Variants in CSMD1 observed in about 807,000 individuals in gnomAD.
The protein encoded by CSMD1 is CUB and sushi domain-containing protein 1.
A neutral mutation model predicts 417.5 loss-of-function variants in CSMD1; 213 were observed. The ratio of observed to expected loss-of-function variants is 0.51; its 90% CI spans 0.46 to 0.57. The LOEUF (loss-of-function observed/expected upper bound fraction) is 0.57. Among genes scored for constraint, CSMD1 ranks in the 20% least tolerant of loss-of-function variants. CSMD1 has a pLI of 0.00. For missense variants in CSMD1, 6,923 were observed against 4,529.7 expected (o/e 1.53, Z -15.17); for synonymous variants, 2,862 against 1,736.8 (o/e 1.65, Z -16.11).
At position 2,955,772 on chromosome 8, in the gene CSMD1, AAAC is replaced by A. The variant is rs752451114; in HGVS notation, c.9815-7_9815-5del. 3.1e-6 allele frequency: 5 copies of A among 1,612,636 alleles called. No individual in the cohort carries two copies. The highest frequency in any genetic ancestry group is 4.2e-6 in the Non-Finnish European group (5 of 1,179,236). On this transcript the variant is annotated splice_polypyrimidine_tract_variant and splice_region_variant and intron_variant, in intron 63 of 69. Transcript: ENST00000635120. ...TCTGGCTGTCTGCAGGCATGAGCTG[AAAC>A]AACATTAGGAAACATTGAGACTTTG...
intron 5 of CSMD1, among the ~76,000 whole-genome samples, chr8:3,946,471 T>G (rs941594004): frequency 1.2e-4 from 19 of 152,184 alleles, no homozygotes; most frequent in African/African-American, 4.6e-4. Context: ...ATGTAAGTCC[T>G]CCCACTTTGT....
chr8:3,364,157 T>C (rs1164464598), intron 20 of CSMD1, among the ~76,000 whole-genome samples: 1 of 150,018 alleles, frequency 6.7e-6, no homozygotes. Flanking sequence ...ATTTGTATAC[T>C]TAAAAAAAAA....
At chr8:3,409,630 C>A in intron 12 of CSMD1, 25 bp from the exon 13 acceptor site, 1 of 1,521,394 alleles carries the variant, frequency 6.6e-7, no homozygotes, top group Non-Finnish European at 8.9e-7. Context: ...ACAAATGAAC[C>A]CTTAAAAAAA....
At chr8:3,901,876 T>A (rs909054290) in intron 5 of CSMD1, among the ~76,000 whole-genome samples, 1 of 152,244 alleles carries the variant, frequency 6.6e-6, no homozygotes, top group African/African-American at 2.4e-5. Flanking sequence ...TCTTCTCTAG[T>A]GCTTTTCCCA....
At chr8:3,590,397 T>C (rs1800796049) in intron 8 of CSMD1, among the ~76,000 whole-genome samples, 1 of 152,280 alleles carries the variant, frequency 6.6e-6, no homozygotes, top group South Asian at 2.1e-4. Context: ...ATGTGCACTC[T>C]CCAGGACCTG....
intron 3 of CSMD1, among the ~76,000 whole-genome samples, chr8:4,375,008 G>T (rs1281357935): frequency 6.6e-6 from 1 of 150,960 alleles, no homozygotes; most frequent in Non-Finnish European, 1.5e-5. Flanking sequence ...GCAATAGTGG[G>T]GACAGGGCAG....
chr8:4,547,899 C>G (rs1479470729), intron 2 of CSMD1, among the ~76,000 whole-genome samples: 2 of 152,116 alleles, frequency 1.3e-5, no homozygotes, highest in East Asian at 1.9e-4. Flanking sequence ...AATAATTCAG[C>G]CATGACAAAA....
At chr8:3,223,363 A>G (rs1798320626) in intron 28 of CSMD1, among the ~76,000 whole-genome samples, 1 of 152,190 alleles carries the variant, frequency 6.6e-6, no homozygotes, top group African/African-American at 2.4e-5. Context: ...GTGCTGTGGA[A>G]AGGAATTCAC....
At chr8:3,653,339 A>C (rs1797952237) in intron 7 of CSMD1, among the ~76,000 whole-genome samples, 1 of 151,990 alleles carries the variant, frequency 6.6e-6, no homozygotes, top group African/African-American at 2.4e-5. Flanking sequence ...TTTGAGATTC[A>C]CTTTTGTTGT....
At chr8:4,801,498 T>G (rs79900072) in intron 1 of CSMD1, among the ~76,000 whole-genome samples, 1 of 152,062 alleles carries the variant, frequency 6.6e-6, no homozygotes, top group African/African-American at 2.4e-5. Context: ...GGGGCGCAAG[T>G]ACTTAATGTC....
At chr8:3,738,757 G>A (rs577414414) in intron 6 of CSMD1, among the ~76,000 whole-genome samples, 11 of 152,284 alleles carry the variant, frequency 7.2e-5, no homozygotes, top group African/African-American at 1.4e-4. Context: ...TCAGAGTAAC[G>A]TAAAATAAAA....
At chr8:3,638,984 T>C (rs1019226488) in intron 7 of CSMD1, among the ~76,000 whole-genome samples, 1 of 152,218 alleles carries the variant, frequency 6.6e-6, no homozygotes, top group Non-Finnish European at 1.5e-5. Flanking sequence ...AGAAAGGCAG[T>C]GTTGCATTCT....
intron 2 of CSMD1, among the ~76,000 whole-genome samples, chr8:4,490,557 A>G (rs1233591611): frequency 1.3e-5 from 2 of 152,220 alleles, no homozygotes; most frequent in African/African-American, 4.8e-5. Context: ...TGCTAAGGAT[A>G]TGAGATGCAG....
intron 26 of CSMD1, among the ~76,000 whole-genome samples, chr8:3,279,953 G>C (rs995074591): frequency 1.3e-5 from 2 of 152,208 alleles, no homozygotes; most frequent in African/African-American, 2.4e-5. Context: ...GGGTGGGGAC[G>C]TAGAACCTAA....
intron 2 of CSMD1, among the ~76,000 whole-genome samples, chr8:4,424,182 G>A (rs1376962376): frequency 6.6e-6 from 1 of 151,950 alleles, no homozygotes; most frequent in Admixed American, 6.6e-5. Flanking sequence ...AAAAAGATAA[G>A]TTAATAAATT....
intron 7 of CSMD1, among the ~76,000 whole-genome samples, chr8:3,654,271 C>T (rs1052922034): frequency 2.0e-5 from 3 of 151,848 alleles, no homozygotes; most frequent in African/African-American, 7.3e-5. Context: ...ACATTCTTAG[C>T]CAAAATTTAA....
chr8:4,052,891 C>T (rs1423225183), intron 3 of CSMD1, among the ~76,000 whole-genome samples: 1 of 152,098 alleles, frequency 6.6e-6, no homozygotes, highest in Non-Finnish European at 1.5e-5. Flanking sequence ...AGTCCATAGA[C>T]CACAATGCCA....
intron 5 of CSMD1, among the ~76,000 whole-genome samples, chr8:3,880,196 G>A (rs1194310757): frequency 6.6e-6 from 1 of 152,136 alleles, no homozygotes; most frequent in African/African-American, 2.4e-5. Context: ...AAGAGGAGCA[G>A]TTAGGGAAAA....
intron 2 of CSMD1, among the ~76,000 whole-genome samples, chr8:4,504,322 A>G (rs1802410588): frequency 6.6e-6 from 1 of 152,142 alleles, no homozygotes; most frequent in Admixed American, 6.5e-5. Flanking sequence ...GTAGGGAAGA[A>G]AGGAAAATGG....
Sources: allele counts gnomAD v4.1 joint callset (sites outside exome capture counted in the v4.1 genomes callset), GRCh38; gene constraint gnomAD v4.1.1; transcripts MANE v1.5; gene names NCBI Gene and HGNC (gene_info 2026-07-23, HGNC 2026-07-21).